Variants in PPFIA2 observed in about 807,000 individuals in gnomAD.
PPFIA2 encodes the protein liprin-alpha-2.
PPFIA2 carries 46 observed loss-of-function variants against 175.5 expected under a neutral mutation model. The ratio of observed to expected loss-of-function variants is 0.26; its 90% CI spans 0.21 to 0.34. The LOEUF (loss-of-function observed/expected upper bound fraction) is 0.34, where lower values mean the gene tolerates loss of function less well. Among genes scored for constraint, PPFIA2 ranks in the 10% least tolerant of loss-of-function variants. PPFIA2 has a pLI of 1.00. For missense variants in PPFIA2, 1,179 were observed against 1,506.1 expected, an observed-to-expected ratio of 0.78 and a Z score of 3.60; for synonymous variants, 568 against 511.4, an observed-to-expected ratio of 1.11 and a Z score of -1.49.
chr12:81,470,090 A>G (rs1349602202), intron 4 of PPFIA2, among the ~76,000 whole-genome samples: 1 of 152,248 alleles, frequency 6.6e-6, no homozygotes, highest in East Asian at 1.9e-4. Context: ...GAGTTAATTA[A>G]TATACCATAA....
chr12:81,690,743 G>A (rs1055622262), intron 3 of PPFIA2, among the ~76,000 whole-genome samples: 4 of 152,046 alleles, frequency 2.6e-5, no homozygotes, highest in Non-Finnish European at 4.4e-5. Context: ...AGATTTGAAG[G>A]TTAGAATCTA....
chr12:81,508,414 G>C (rs551379176), intron 4 of PPFIA2, among the ~76,000 whole-genome samples: 1 of 150,144 alleles, frequency 6.7e-6, no homozygotes, highest in Non-Finnish European at 1.5e-5. Flanking sequence ...CCAGCTATTC[G>C]GGAGGCTGAG....
chr12:81,277,411 T>G lies in PPFIA2; in HGVS notation c.3216A>C (p.Thr1072=). 1 of 1,500,564 alleles carries G rather than the reference T, an allele frequency of 6.7e-7. No homozygotes were observed. The highest frequency in any genetic ancestry group is 2.4e-5 in the East Asian group (1 of 41,168). The allele number at this position is 1,500,564 out of a possible 1,614,324, so 93.0% of individuals were successfully genotyped here. The change falls in exon 28 of 33, where the codon ACA becomes ACC. Residue 1072 remains threonine (T), a synonymous_variant. Transcript: ENST00000549396. ...HLKMVDSFHR[T]SLQYGIMCLK... is the part of the protein sequence containing the mutation. ...AGCACATAATTCCATATTGTAAACT[T>G]GTTCTTTTTTTTTTATTAAAAAAAA...
chr12:81,328,818 CTT>C (rs533036607), intron 21 of PPFIA2, among the ~76,000 whole-genome samples: 7 of 134,642 alleles, frequency 5.2e-5, no homozygotes, highest in Admixed American at 1.5e-4. Flanking sequence ...TTCTTTCTTT[CTT>C]TTTTTTTTTT....
chr12:81,559,295 T>C (rs1021263251), intron 4 of PPFIA2, among the ~76,000 whole-genome samples: 1 of 152,194 alleles, frequency 6.6e-6, no homozygotes, highest in South Asian at 2.1e-4. Context: ...CATTTGCACG[T>C]GTGGATGCAT....
At chr12:81,580,725 A>G (rs2074276349) in intron 4 of PPFIA2, among the ~76,000 whole-genome samples, 1 of 151,840 alleles carries the variant, frequency 6.6e-6, no homozygotes, top group Admixed American at 6.6e-5. Flanking sequence ...CATATTCTAT[A>G]GAAACGATGT....
At chr12:81,638,682 CTTTTTTTTTTT>C (rs869311003) in intron 4 of PPFIA2, among the ~76,000 whole-genome samples, 6 of 72,684 alleles carry the variant, frequency 8.3e-5, no homozygotes, top group African/African-American at 3.3e-4. Context: ...CATAAATTTT[CTTTTTTTTTTT>C]TTTTTTTTTT....
chr12:81,262,932 G>T (rs2036097546), intron 31 of PPFIA2, among the ~76,000 whole-genome samples: 1 of 152,292 alleles, frequency 6.6e-6, no homozygotes, highest in African/African-American at 2.4e-5. Flanking sequence ...TTAATTTTGG[G>T]AATAGAAGAC....
intron 3 of PPFIA2, among the ~76,000 whole-genome samples, chr12:81,692,626 G>A (rs1287820785): frequency 5.9e-5 from 9 of 152,018 alleles, no homozygotes; most frequent in Middle Eastern, 3.2e-3. Context: ...TTATGGTCTG[G>A]TATTATAATT....
At chr12:81,562,875 AGAG>A (rs1335991932) in intron 4 of PPFIA2, among the ~76,000 whole-genome samples, 1 of 144,590 alleles carries the variant, frequency 6.9e-6, no homozygotes, top group East Asian at 2.0e-4. Flanking sequence ...AAAAAAAAAA[AGAG>A]AGAGTATGTT....
rs375279138 is a variant in PPFIA2 at position 81,601,763 on chromosome 12, A to G, written c.303+75028T>C. Among the ~76,000 whole-genome samples, 32 of 152,006 alleles carry G rather than the reference A, an allele frequency of 2.1e-4. 1 individual carries two copies. The South Asian group carries it at 6.2e-3, about 30-fold the overall frequency. On this transcript the variant is annotated intron_variant, in intron 4 of 32. Coordinates refer to ENST00000549396, the MANE Select transcript of PPFIA2 (RefSeq NM_003625.5). ...CTGGTTTGTTTGTACCCTTAGGTACATACAGTTTGAAAAACTATGAAGCCT... is the reference window on the plus strand; with the variant it reads ...CTGGTTTGTTTGTACCCTTAGGTACGTACAGTTTGAAAAACTATGAAGCCT...
chr12:81,382,107 G>A (rs1217666296), intron 9 of PPFIA2, among the ~76,000 whole-genome samples: 1 of 152,076 alleles, frequency 6.6e-6, no homozygotes, highest in African/African-American at 2.4e-5. Context: ...CAAAAGAAGA[G>A]GGAGAGTGTA....
intron 4 of PPFIA2, among the ~76,000 whole-genome samples, chr12:81,530,974 ATTAAG>A (rs1366482594): frequency 1.3e-5 from 2 of 151,932 alleles, no homozygotes; most frequent in African/African-American, 4.8e-5. Context: ...ATTTCAATAT[ATTAAG>A]TTATCTGATT....
chr12:81,462,573 T>A (rs1206667625), intron 4 of PPFIA2, among the ~76,000 whole-genome samples: 1 of 57,604 alleles, frequency 1.7e-5, no homozygotes, highest in Non-Finnish European at 3.0e-5. Context: ...TATATGTGTA[T>A]ATATATATAT....
intron 4 of PPFIA2, among the ~76,000 whole-genome samples, chr12:81,597,629 T>C (rs891065981): frequency 1.3e-5 from 2 of 152,130 alleles, no homozygotes; most frequent in African/African-American, 4.8e-5. Context: ...AACTCTACAA[T>C]GTTTACCATA....
At chr12:81,575,828 G>C (rs1018200736) in intron 4 of PPFIA2, among the ~76,000 whole-genome samples, 1 of 151,636 alleles carries the variant, frequency 6.6e-6, no homozygotes, top group Non-Finnish European at 1.5e-5. Context: ...TTATAAAAAA[G>C]ACTACTGAAT....
chr12:81,709,128 T>A (rs1049039032), intron 3 of PPFIA2, among the ~76,000 whole-genome samples: 2 of 152,106 alleles, frequency 1.3e-5, no homozygotes, highest in East Asian at 3.9e-4. Flanking sequence ...GTTCCTCACA[T>A]AGGGCTTCTT....
intron 3 of PPFIA2, among the ~76,000 whole-genome samples, chr12:81,688,534 C>T (rs1250746960): frequency 2.0e-5 from 3 of 151,090 alleles, no homozygotes; most frequent in Non-Finnish European, 4.4e-5. Flanking sequence ...TATAATACCA[C>T]ATAATTTAAT....
chr12:81,651,173 C>T (rs1396551573), intron 4 of PPFIA2, among the ~76,000 whole-genome samples: 1 of 152,084 alleles, frequency 6.6e-6, no homozygotes, highest in African/African-American at 2.4e-5. Context: ...ATAAAAGGAT[C>T]TTCAGCATAG....
Sources: allele counts gnomAD v4.1 joint callset (sites outside exome capture counted in the v4.1 genomes callset), GRCh38; gene constraint gnomAD v4.1.1; transcripts MANE v1.5; gene names NCBI Gene and HGNC (gene_info 2026-07-23, HGNC 2026-07-21).